The following GPR158 variants were observed in gnomAD, a reference collection of about 807,000 sequenced individuals.
GPR158 encodes G protein-coupled receptor 158, also known as metabotropic glycine receptor.
Under a neutral mutation model 78.2 loss-of-function variants are expected in GPR158, and 30 were observed. That is an observed-to-expected ratio of 0.38 (90% CI 0.29 to 0.52). GPR158 has a LOEUF of 0.52. GPR158 is among the 20% of genes least tolerant of loss of function. The pLI is 0.83. For synonymous variants in GPR158, 581 were observed against 591.1 expected (o/e 0.98, Z 0.25); for missense variants, 1,463 against 1,523.5 (o/e 0.96, Z 0.66).
chr10:25,551,437 A>C (rs1836723539), intron 6 of GPR158, among the ~76,000 whole-genome samples: 1 of 152,192 alleles, frequency 6.6e-6, no homozygotes, highest in Non-Finnish European at 1.5e-5. Flanking sequence ...TGACCATAGA[A>C]TCCCATACAG....
At chr10:25,245,723 T>G (rs1047510382) in intron 2 of GPR158, among the ~76,000 whole-genome samples, 3 of 152,318 alleles carry the variant, frequency 2.0e-5, no homozygotes, top group South Asian at 2.1e-4. Flanking sequence ...ATAGAGTAAC[T>G]TCTCTCCTGA....
intron 5 of GPR158, among the ~76,000 whole-genome samples, chr10:25,539,230 C>A (rs1157576749): frequency 1.3e-5 from 2 of 152,090 alleles, no homozygotes; most frequent in East Asian, 3.9e-4. Context: ...AAAGCTGCTG[C>A]CTAGTTGGGG....
At chr10:25,483,297 A>C (rs1194174355) in intron 5 of GPR158, among the ~76,000 whole-genome samples, 3 of 151,986 alleles carry the variant, frequency 2.0e-5, no homozygotes, top group Non-Finnish European at 4.4e-5. Flanking sequence ...TTCCAGTAAC[A>C]CTGGGCTCTT....
At chr10:25,264,297 CT>C (rs1393766742) in intron 2 of GPR158, among the ~76,000 whole-genome samples, 4 of 152,160 alleles carry the variant, frequency 2.6e-5, no homozygotes, top group African/African-American at 9.7e-5. Context: ...TCTTGGAATG[CT>C]TGCTCTTGGG....
intron 2 of GPR158, among the ~76,000 whole-genome samples, chr10:25,346,868 G>A (rs1429965437): frequency 4.0e-5 from 6 of 151,850 alleles, no homozygotes; most frequent in Non-Finnish European, 7.4e-5. Context: ...CTGAAGCATC[G>A]GATTAAGAGA....
At chr10:25,278,280 A>G (rs1220105964) in intron 2 of GPR158, among the ~76,000 whole-genome samples, 1 of 152,180 alleles carries the variant, frequency 6.6e-6, no homozygotes, top group African/African-American at 2.4e-5. Context: ...GTAGAAATAA[A>G]AATAAAATTG....
At chr10:25,525,667 T>A (rs1836337220) in intron 5 of GPR158, among the ~76,000 whole-genome samples, 1 of 152,110 alleles carries the variant, frequency 6.6e-6, no homozygotes, top group African/African-American at 2.4e-5. Flanking sequence ...AGGGGAAGAA[T>A]GGGGGAATGA....
intron 2 of GPR158, among the ~76,000 whole-genome samples, chr10:25,234,528 TC>T (rs1346729387): frequency 6.6e-6 from 1 of 152,208 alleles, no homozygotes; most frequent in Non-Finnish European, 1.5e-5. Context: ...TCTTAAACAA[TC>T]TTGACCAAAA....
chr10:25,465,006 C>T (rs1382440494), intron 4 of GPR158, among the ~76,000 whole-genome samples: 1 of 152,106 alleles, frequency 6.6e-6, no homozygotes, highest in East Asian at 1.9e-4. Flanking sequence ...TTTCTCTATT[C>T]CCAAATTCTT....
intron 6 of GPR158, among the ~76,000 whole-genome samples, chr10:25,555,321 AG>A (rs1836774691): frequency 6.6e-6 from 1 of 152,156 alleles, no homozygotes; most frequent in Non-Finnish European, 1.5e-5. Flanking sequence ...AGAATGGGAA[AG>A]GAAAGAAAGG....
chr10:25,560,683 A>G (rs975546976), intron 6 of GPR158, among the ~76,000 whole-genome samples: 1 of 152,250 alleles, frequency 6.6e-6, no homozygotes, highest in Non-Finnish European at 1.5e-5. Flanking sequence ...TGATCACACC[A>G]GTTAAATGGG....
chr10:25,434,698 A>T (rs1668560832), intron 4 of GPR158, among the ~76,000 whole-genome samples: 1 of 152,226 alleles, frequency 6.6e-6, no homozygotes. Flanking sequence ...TGTGTTGAGA[A>T]TAGTGATTAA....
chr10:25,433,690 C>CTTTTTTTTTTTTT, intron 4 of GPR158, among the ~76,000 whole-genome samples: 1 of 93,260 alleles, frequency 1.1e-5, no homozygotes, highest in Non-Finnish European at 2.3e-5. Flanking sequence ...TTCTTTCTTT[C>CTTTTTTTTTTTTT]TTTCTTTTTT....
chr10:25,503,391 A>T (rs1038737284), intron 5 of GPR158, among the ~76,000 whole-genome samples: 1 of 151,572 alleles, frequency 6.6e-6, no homozygotes, highest in Non-Finnish European at 1.5e-5. Context: ...AGTTTAGTTT[A>T]AAAAAAAATC....
At chr10:25,368,423 A>C (rs1229442870) in intron 2 of GPR158, among the ~76,000 whole-genome samples, 2 of 151,912 alleles carry the variant, frequency 1.3e-5, no homozygotes, top group Non-Finnish European at 2.9e-5. Context: ...AAGTGGGCCA[A>C]AGACATGAAT....
At chr10:25,472,831 T>C (rs1245293608) in intron 5 of GPR158, among the ~76,000 whole-genome samples, 2 of 152,234 alleles carry the variant, frequency 1.3e-5, no homozygotes, top group Non-Finnish European at 2.9e-5. Context: ...CTGAAGTTGC[T>C]TATCAGCTTA....
chr10:25,296,379 C>G (rs1468415378), intron 2 of GPR158, among the ~76,000 whole-genome samples: 1 of 152,110 alleles, frequency 6.6e-6, no homozygotes, highest in African/African-American at 2.4e-5. Context: ...GGGGTATCAA[C>G]AGCATCTGCT....
At chr10:25,333,819 G>A (rs1407820816) in intron 2 of GPR158, among the ~76,000 whole-genome samples, 1 of 151,814 alleles carries the variant, frequency 6.6e-6, no homozygotes, top group Non-Finnish European at 1.5e-5. Flanking sequence ...AAATGTAGAC[G>A]ATTTCCTGGA....
chr10:25,358,873 TG>T (rs1278761014), intron 2 of GPR158, among the ~76,000 whole-genome samples: 1 of 152,150 alleles, frequency 6.6e-6, no homozygotes, highest in Non-Finnish European at 1.5e-5. Flanking sequence ...ACTTGTTTTA[TG>T]GCATAAATTA....
Sources: allele counts gnomAD v4.1 joint callset (sites outside exome capture counted in the v4.1 genomes callset), GRCh38; gene constraint gnomAD v4.1.1; transcripts MANE v1.5; gene names NCBI Gene and HGNC (gene_info 2026-07-23, HGNC 2026-07-21).